TNNI3K: variants seen among roughly 807,000 people sequenced by gnomAD.
The protein encoded by TNNI3K is TNNI3 interacting kinase, also known as serine/threonine-protein kinase TNNI3K.
In TNNI3K, 140 loss-of-function variants were observed where a neutral mutation model predicts 114.5. The ratio of observed to expected loss-of-function variants is 1.22; its 90% CI spans 1.07 to 1.41. The LOEUF (loss-of-function observed/expected upper bound fraction) is 1.41, where lower values mean the gene tolerates loss of function less well. Among genes scored for constraint, TNNI3K ranks in the 40% most tolerant of loss-of-function variants. TNNI3K has a pLI of 0.00. For missense variants in TNNI3K, 1,125 were observed against 1,007.6 expected (o/e 1.12, Z -1.58); for synonymous variants, 347 against 347.5 (o/e 1.00, Z 0.02).
intron 17 of TNNI3K, among the ~76,000 whole-genome samples, chr1:74,397,790 C>CATA (rs1314196590): frequency 3.3e-5 from 5 of 152,182 alleles, no homozygotes; most frequent in African/African-American, 1.2e-4. Context: ...AATGGCTATG[C>CATA]TGTCATTGAT....
At chr1:74,276,181 G>A (rs1338527286) in intron 5 of TNNI3K, among the ~76,000 whole-genome samples, 1 of 152,018 alleles carries the variant, frequency 6.6e-6, no homozygotes, top group East Asian at 1.9e-4. Flanking sequence ...TTTTCAAGTG[G>A]AAATGTTCAT....
In TNNI3K at chr1:74,404,768, G is replaced by T. The variant is rs185019665; in HGVS notation, c.1773-31312G>T. Among the ~76,000 whole-genome samples the T allele has an allele frequency of 3.3e-5, 5 of 152,098 alleles. No homozygotes were observed. The East Asian group carries it at 7.7e-4, about 24-fold the overall frequency. On this transcript the variant is annotated intron_variant, in intron 17 of 24. Coordinates refer to ENST00000326637, the MANE Select transcript of TNNI3K (RefSeq NM_015978.3). ...TCTTTATGAATCTCCTATAATTGTG[G>T]CTCTGATTCTTATTTATGTTTATAG...
chr1:74,476,770 G>A (rs1668228004), intron 21 of TNNI3K, among the ~76,000 whole-genome samples: 1 of 152,128 alleles, frequency 6.6e-6, no homozygotes, highest in Non-Finnish European at 1.5e-5. Flanking sequence ...CAGCATTCCA[G>A]ATTCTTTGAC....
chr1:74,505,052 T>C (rs908757167), intron 23 of TNNI3K, among the ~76,000 whole-genome samples: 1 of 152,198 alleles, frequency 6.6e-6, no homozygotes, highest in Non-Finnish European at 1.5e-5. Context: ...GAGAGTTCTA[T>C]GAGGTTTTCA....
intron 4 of TNNI3K, among the ~76,000 whole-genome samples, chr1:74,269,115 A>C (rs189635728): frequency 6.6e-6 from 1 of 151,846 alleles, no homozygotes; most frequent in African/African-American, 2.4e-5. Context: ...ACTTTTTGCC[A>C]TCTACCATTT....
chr1:74,236,103 T>C lies in TNNI3K; in HGVS notation c.42T>C (p.Asp14=), dbSNP rs144055969. 4.4e-6 allele frequency: 7 copies of C among 1,604,066 alleles called. No homozygotes were observed. The highest frequency in any genetic ancestry group is 1.1e-5 in the South Asian group (1 of 90,132). Residue 14 remains aspartate, a splice_region_variant and synonymous_variant, in exon 2 of 25, where the codon GAT becomes GAC. Coordinates refer to ENST00000326637, the MANE Select transcript of TNNI3K (RefSeq NM_015978.3). The part of the protein sequence containing the change: ...YKSRPTQTCT[D]EWKKKVSESY... ...ATCTCATTTGTTCTTCTTTACTAGA[T>C]GAATGGAAGAAAAAAGTCAGTGAAT...
At chr1:74,409,763 G>A (rs1018163232) in intron 17 of TNNI3K, among the ~76,000 whole-genome samples, 9 of 151,844 alleles carry the variant, frequency 5.9e-5, no homozygotes, top group African/African-American at 2.2e-4. Flanking sequence ...CAAAGTGCAG[G>A]GATTACAGGC....
chr1:74,401,142 A>G (rs1033301500), intron 17 of TNNI3K, among the ~76,000 whole-genome samples: 1 of 152,228 alleles, frequency 6.6e-6, no homozygotes, highest in East Asian at 1.9e-4. Flanking sequence ...GGTAGCCTCT[A>G]TACCTATAGA....
At chr1:74,537,421 A>C (rs1293040356) in intron 23 of TNNI3K, among the ~76,000 whole-genome samples, 1 of 152,214 alleles carries the variant, frequency 6.6e-6, no homozygotes, top group Non-Finnish European at 1.5e-5. Context: ...TCTAAAAAAC[A>C]ACATCTCTAC....
chr1:74,309,643 G>A (rs1658867521), intron 5 of TNNI3K, among the ~76,000 whole-genome samples: 1 of 152,030 alleles, frequency 6.6e-6, no homozygotes, highest in South Asian at 2.1e-4. Context: ...GGGATGCAAG[G>A]ATGGTTCAAC....
intron 20 of TNNI3K, among the ~76,000 whole-genome samples, chr1:74,445,642 G>A (rs369454703): frequency 1.5e-5 from 2 of 130,816 alleles, no homozygotes; most frequent in Non-Finnish European, 1.5e-5. Context: ...ACGGAGTCTC[G>A]CTCTGTCGCC....
intron 21 of TNNI3K, among the ~76,000 whole-genome samples, chr1:74,484,619 C>A (rs1320357638): frequency 1.3e-5 from 2 of 151,970 alleles, no homozygotes; most frequent in Non-Finnish European, 2.9e-5. Context: ...AAGGTGAAGG[C>A]ATTAGTGTGT....
At chr1:74,359,977 T>C (rs1199252794) in intron 11 of TNNI3K, among the ~76,000 whole-genome samples, 2 of 152,106 alleles carry the variant, frequency 1.3e-5, no homozygotes, top group Non-Finnish European at 2.9e-5. Flanking sequence ...GTCAGAAATC[T>C]TGAATGATGC....
chr1:74,375,753 A>G (rs1662873605), intron 17 of TNNI3K: 2 of 359,068 alleles, frequency 5.6e-6, no homozygotes, highest in Non-Finnish European at 1.1e-5. Flanking sequence ...TAAAACCCCC[A>G]TCCTCAAGTT....
At chr1:74,471,599 C>A in intron 21 of TNNI3K, 1 of 400,714 alleles carries the variant, frequency 2.5e-6, no homozygotes, top group Middle Eastern at 3.1e-4. Flanking sequence ...TTTTTAACAT[C>A]CAACTTAGTC....
intron 17 of TNNI3K, among the ~76,000 whole-genome samples, chr1:74,434,243 C>A (rs1666024076): frequency 6.6e-6 from 1 of 151,896 alleles, no homozygotes; most frequent in Admixed American, 6.6e-5. Flanking sequence ...CCAAATATTC[C>A]CTCATTATTT....
At chr1:74,535,383 T>C (rs1646647847) in intron 23 of TNNI3K, among the ~76,000 whole-genome samples, 1 of 151,764 alleles carries the variant, frequency 6.6e-6, no homozygotes, top group Non-Finnish European at 1.5e-5. Flanking sequence ...CACACAAGAA[T>C]TGTTTGAGTG....
chr1:74,511,223 G>A (rs1341298057), intron 23 of TNNI3K, among the ~76,000 whole-genome samples: 8 of 140,978 alleles, frequency 5.7e-5, no homozygotes, highest in Admixed American at 1.4e-4. Flanking sequence ...ATGGAATTTC[G>A]CTCTTATTGC....
At chr1:74,243,601 G>A (rs892272937) in intron 2 of TNNI3K, among the ~76,000 whole-genome samples, 23 of 152,114 alleles carry the variant, frequency 1.5e-4, no homozygotes, top group African/African-American at 5.6e-4. Flanking sequence ...TTGTGGTCAT[G>A]TTAGATATCT....
Sources: allele counts gnomAD v4.1 joint callset (sites outside exome capture counted in the v4.1 genomes callset), GRCh38; gene constraint gnomAD v4.1.1; transcripts MANE v1.5; gene names NCBI Gene and HGNC (gene_info 2026-07-23, HGNC 2026-07-21).